The following MTMR3 variants were observed in gnomAD, a reference collection of about 807,000 sequenced individuals.
MTMR3 encodes myotubularin related protein 3.
A neutral mutation model predicts 132.4 loss-of-function variants in MTMR3; 32 were observed. The ratio of observed to expected loss-of-function variants is 0.24; its 90% CI spans 0.18 to 0.32. The LOEUF (loss-of-function observed/expected upper bound fraction) is 0.32. Among genes scored for constraint, MTMR3 ranks in the 10% least tolerant of loss-of-function variants. The probability of loss-of-function intolerance (pLI) is 1.00; values close to 1 mark genes in which losing one functional copy is unlikely to be tolerated. For missense variants in MTMR3, 1,216 were observed against 1,489.6 expected (o/e 0.82, Z 3.02); for synonymous variants, 556 against 550.3 (o/e 1.01, Z -0.14).
At chr22:30,003,168 C>T in intron 9 of MTMR3, 175 bp downstream of exon 9, 1 of 499,130 alleles carries the variant, frequency 2.0e-6, no homozygotes, top group Non-Finnish European at 3.6e-6. Context: ...TCAGTACTGA[C>T]TGCATTCAGA....
chr22:29,906,374 C>G (rs969214889), intron 1 of MTMR3, among the ~76,000 whole-genome samples: 4 of 151,956 alleles, frequency 2.6e-5, no homozygotes, highest in African/African-American at 9.7e-5. Context: ...CTTTGTTGCC[C>G]AGGCTGGAGT....
chr22:30,005,197 T>TGGA (rs1364431463), intron 9 of MTMR3: 4 of 152,256 alleles, frequency 2.6e-5, no homozygotes, highest in Admixed American at 2.0e-4. Flanking sequence ...CTTTATCTGT[T>TGGA]GGACATCATA....
chr22:29,891,269 C>T (rs2145704515), intron 1 of MTMR3, among the ~76,000 whole-genome samples: 1 of 151,138 alleles, frequency 6.6e-6, no homozygotes. Flanking sequence ...TCCTTTTTTA[C>T]CCTGGGGTGT....
At chr22:29,932,246 A>G (rs1459869459) in intron 1 of MTMR3, among the ~76,000 whole-genome samples, 1 of 152,184 alleles carries the variant, frequency 6.6e-6, no homozygotes, top group African/African-American at 2.4e-5. Context: ...AGACCCATGT[A>G]ACTACACCCA....
At chr22:29,916,936 G>GC (rs1380223583) in intron 1 of MTMR3, among the ~76,000 whole-genome samples, 2 of 152,066 alleles carry the variant, frequency 1.3e-5, no homozygotes, top group Non-Finnish European at 2.9e-5. Flanking sequence ...CTATCTCACT[G>GC]CCCCCTGTAA....
intron 1 of MTMR3, among the ~76,000 whole-genome samples, chr22:29,887,023 G>C (rs1369368420): frequency 6.6e-6 from 1 of 152,120 alleles, no homozygotes; most frequent in African/African-American, 2.4e-5. Context: ...GATTGAACTA[G>C]AACTCCCAGT....
intron 16 of MTMR3, chr22:30,019,213 A>AT: frequency 2.8e-6 from 1 of 352,696 alleles, no homozygotes; most frequent in Non-Finnish European, 5.2e-6. Context: ...AAAAAAAAAA[A>AT]AAAAAGAAAA....
chr22:30,017,819 C>T (rs2067635457), intron 15 of MTMR3, 108 bp from the exon 16 acceptor site: 10 of 1,376,058 alleles, frequency 7.3e-6, no homozygotes, highest in East Asian at 7.0e-5. Flanking sequence ...GAGATCCTGT[C>T]AGCCCTGTTG....
chr22:29,924,318 T>C (rs2145776156), intron 1 of MTMR3, among the ~76,000 whole-genome samples: 1 of 152,366 alleles, frequency 6.6e-6, no homozygotes, highest in East Asian at 1.9e-4. Flanking sequence ...TTGAAAAGAC[T>C]GTCCTTTTCC....
intron 1 of MTMR3, among the ~76,000 whole-genome samples, chr22:29,888,232 A>G (rs1305208469): frequency 5.3e-5 from 8 of 151,982 alleles, no homozygotes; most frequent in Non-Finnish European, 1.5e-5. Flanking sequence ...TTTTGTAGAG[A>G]CAGGGTTTTG....
At chr22:29,947,190 C>T (rs1037671048) in intron 1 of MTMR3, among the ~76,000 whole-genome samples, 3 of 152,068 alleles carry the variant, frequency 2.0e-5, no homozygotes, top group African/African-American at 4.8e-5. Flanking sequence ...TTTCTTTCTC[C>T]TCTTTCCGAC....
intron 19 of MTMR3, chr22:30,022,999 T>G: frequency 2.3e-6 from 1 of 440,416 alleles, no homozygotes; most frequent in Non-Finnish European, 4.1e-6. Flanking sequence ...ATAACATTTC[T>G]TCCCATTCAA....
chr22:29,904,655 TAAC>T (rs898772573), intron 1 of MTMR3, among the ~76,000 whole-genome samples: 93 of 152,360 alleles, frequency 6.1e-4, no homozygotes, highest in African/African-American at 2.1e-3. Flanking sequence ...ATTAAAGTGA[TAAC>T]AACACTACAG....
intron 1 of MTMR3, among the ~76,000 whole-genome samples, chr22:29,936,863 G>C (rs188457057): frequency 6.6e-6 from 1 of 152,054 alleles, no homozygotes; most frequent in Non-Finnish European, 1.5e-5. Context: ...ATATAAAATA[G>C]TAATATTAAA....
At chr22:29,910,808 T>G (rs73396843) in intron 1 of MTMR3, among the ~76,000 whole-genome samples, 4,905 of 152,008 alleles carry the variant, frequency 0.032, 275 homozygotes, top group African/African-American at 0.11. Flanking sequence ...AAATCTTTAG[T>G]AAAAGGCAAA....
At chr22:29,919,531 G>C (rs1423965263) in intron 1 of MTMR3, among the ~76,000 whole-genome samples, 2 of 151,920 alleles carry the variant, frequency 1.3e-5, no homozygotes, top group Non-Finnish European at 2.9e-5. Context: ...TTCACTTTTG[G>C]GCATGTTTTT....
chr22:30,004,832 G>A (rs1050457449), intron 9 of MTMR3: 4 of 152,248 alleles, frequency 2.6e-5, no homozygotes, highest in African/African-American at 9.6e-5. Context: ...TGGAACTCTT[G>A]ACATCCATTT....
chr22:30,022,210 C>A, intron 18 of MTMR3, 71 bp downstream of exon 18: 1 of 1,239,872 alleles, frequency 8.1e-7, no homozygotes, highest in Non-Finnish European at 1.2e-6. Flanking sequence ...CCCCCATTCC[C>A]ACCCCATACC....
At chr22:29,957,418 T>TG (rs1297753639) in intron 2 of MTMR3, among the ~76,000 whole-genome samples, 188 of 10,766 alleles carry the variant, frequency 0.017, no homozygotes, top group African/African-American at 0.07. Flanking sequence ...TCCAGTTGTA[T>TG]TTATTTATTT....
Sources: allele counts gnomAD v4.1 joint callset (sites outside exome capture counted in the v4.1 genomes callset), GRCh38; gene constraint gnomAD v4.1.1; transcripts MANE v1.5; gene names NCBI Gene and HGNC (gene_info 2026-07-23, HGNC 2026-07-21).